The following PTPRT variants were observed in gnomAD, a reference collection of about 807,000 sequenced individuals.
The protein encoded by PTPRT is protein tyrosine phosphatase receptor type T.
A neutral mutation model predicts 176.8 loss-of-function variants in PTPRT; 56 were observed. The ratio of observed to expected loss-of-function variants is 0.32; its 90% confidence interval spans 0.26 to 0.40. PTPRT has a LOEUF of 0.40. Among genes scored for constraint, PTPRT ranks in the 10% least tolerant of loss-of-function variants. The pLI is 1.00. For synonymous variants in PTPRT, 783 were observed against 739.0 expected (o/e 1.06, Z -0.96); for missense variants, 1,540 against 1,908.2 (o/e 0.81, Z 3.60).
intron 1 of PTPRT, among the ~76,000 whole-genome samples, chr20:43,155,589 A>G (rs750569694): frequency 6.6e-6 from 1 of 152,206 alleles, no homozygotes; most frequent in Non-Finnish European, 1.5e-5. Flanking sequence ...TAGGAGAGAA[A>G]TAACTTCAAG....
At chr20:42,954,275 A>G (rs1037146654) in intron 1 of PTPRT, among the ~76,000 whole-genome samples, 14 of 152,176 alleles carry the variant, frequency 9.2e-5, no homozygotes, top group Admixed American at 6.5e-5. Context: ...CTGTTATCTA[A>G]CCTGTGCCTT....
intron 15 of PTPRT, among the ~76,000 whole-genome samples, chr20:42,211,817 A>G (rs2055637808): frequency 1.3e-5 from 2 of 151,320 alleles, no homozygotes; most frequent in African/African-American, 4.9e-5. Flanking sequence ...AAAGGACTAT[A>G]AATCATGCTG....
intron 7 of PTPRT, among the ~76,000 whole-genome samples, chr20:42,489,027 TG>T (rs1286428316): frequency 3.2e-5 from 4 of 124,772 alleles, no homozygotes; most frequent in African/African-American, 1.1e-4. Context: ...TGTGTGTGTG[TG>T]TGTGTGTGTG....
chr20:42,123,177 AAG>A (rs1267316669), intron 19 of PTPRT, among the ~76,000 whole-genome samples: 1 of 152,190 alleles, frequency 6.6e-6, no homozygotes, highest in African/African-American at 2.4e-5. Context: ...CTGGAAGAAA[AAG>A]AGACCCTGGA....
chr20:42,342,619 T>G (rs2058128892), intron 11 of PTPRT, among the ~76,000 whole-genome samples: 1 of 152,210 alleles, frequency 6.6e-6, no homozygotes, highest in African/African-American at 2.4e-5. Context: ...CCTGTGTCAA[T>G]AAATCCTCTA....
chr20:42,250,571 T>C (rs1162635821), intron 13 of PTPRT, among the ~76,000 whole-genome samples: 1 of 152,312 alleles, frequency 6.6e-6, no homozygotes, highest in Non-Finnish European at 1.5e-5. Flanking sequence ...CTTAGACATG[T>C]TGGGTTTACT....
At chr20:42,894,466 G>A (rs544008846) in intron 1 of PTPRT, among the ~76,000 whole-genome samples, 19 of 151,972 alleles carry the variant, frequency 1.3e-4, no homozygotes, top group Non-Finnish European at 1.5e-4. Flanking sequence ...ATCACCCCAC[G>A]AGATGGATAT....
chr20:42,057,283 T>C, the PTPRT span, among the ~76,000 whole-genome samples: 15 of 152,038 alleles, frequency 9.9e-5, no homozygotes, highest in Middle Eastern at 3.4e-3. Flanking sequence ...AGTATTCTGG[T>C]AGAGGAGCCT....
At position 43,161,506 on chromosome 20, in the gene PTPRT, T is replaced by C. The variant is rs997259949; in HGVS notation, c.88+28140A>G. ...AGAAAGACAGGTATAACAGAAATCA[T>C]CTTACTTAAAATTACTAAGATTTGG... On this transcript the variant is annotated intron_variant, in intron 1 of 30. Transcript: ENST00000373187. Among the ~76,000 whole-genome samples the C allele has an allele frequency of 3.9e-5, 6 of 152,260 alleles. No individual in the cohort carries two copies. In the East Asian group the frequency reaches 9.6e-4, roughly 24 times the overall value.
chr20:42,854,840 A>G (rs1346891592), intron 2 of PTPRT, among the ~76,000 whole-genome samples: 1 of 152,250 alleles, frequency 6.6e-6, no homozygotes, highest in Admixed American at 6.5e-5. Context: ...AAATTAGATC[A>G]GTTATACCAG....
At position 42,423,431 on chromosome 20, in the gene PTPRT, C is replaced by T. The variant is rs538156473; in HGVS notation, c.1560+24789G>A. On this transcript the variant is annotated intron_variant, in intron 9 of 30. Transcript: ENST00000373187. ...TTCTTTGCCCACAACCCTTCTAATA[C>T]ACCCTCAGTCTGGCCCCAACTCTCT... is the stretch of plus-strand genomic sequence containing the variant. 8.5e-5 allele frequency among the ~76,000 whole-genome samples: 13 copies of T among 152,240 alleles called. No homozygotes were observed. The East Asian group carries it at 2.5e-3, about 29-fold the overall frequency.
At chr20:42,654,630 CT>C (rs2075091808) in intron 7 of PTPRT, among the ~76,000 whole-genome samples, 1 of 152,218 alleles carries the variant, frequency 6.6e-6, no homozygotes, top group South Asian at 2.1e-4. Flanking sequence ...ACTATTTTTC[CT>C]GTGTACCTAT....
intron 7 of PTPRT, among the ~76,000 whole-genome samples, chr20:42,576,894 G>A (rs1356584708): frequency 6.6e-6 from 1 of 152,162 alleles, no homozygotes; most frequent in Non-Finnish European, 1.5e-5. Context: ...CATCCACAGA[G>A]ATGGCTGGTA....
chr20:43,062,423 C>A (rs1207575609), intron 1 of PTPRT, among the ~76,000 whole-genome samples: 1 of 152,102 alleles, frequency 6.6e-6, no homozygotes, highest in Non-Finnish European at 1.5e-5. Flanking sequence ...GGGGGAAAAC[C>A]AGGCTTTCAA....
At chr20:42,188,454 C>T (rs1348902444) in intron 16 of PTPRT, among the ~76,000 whole-genome samples, 3 of 152,100 alleles carry the variant, frequency 2.0e-5, no homozygotes, top group Non-Finnish European at 4.4e-5. Flanking sequence ...GAGCAAGTTA[C>T]TTAAGTTCTC....
intron 2 of PTPRT, among the ~76,000 whole-genome samples, chr20:42,871,888 T>G (rs1379045440): frequency 6.6e-6 from 1 of 152,228 alleles, no homozygotes; most frequent in African/African-American, 2.4e-5. Flanking sequence ...TCCAAACTGA[T>G]GGACACATCA....
At chr20:43,004,870 C>T (rs1192010846) in intron 1 of PTPRT, among the ~76,000 whole-genome samples, 1 of 152,088 alleles carries the variant, frequency 6.6e-6, no homozygotes, top group Non-Finnish European at 1.5e-5. Flanking sequence ...ATGTTAGAGG[C>T]AATAGAAACC....
At chr20:42,888,984 G>A (rs74660723) in intron 1 of PTPRT, among the ~76,000 whole-genome samples, 3,579 of 152,248 alleles carry the variant, frequency 0.024, 77 homozygotes, top group Middle Eastern at 0.088. Context: ...TAAGATTTAA[G>A]AAGGCTCACA....
chr20:42,152,835 T>G (rs539552483), intron 17 of PTPRT, among the ~76,000 whole-genome samples: 1 of 152,340 alleles, frequency 6.6e-6, no homozygotes, highest in Admixed American at 6.5e-5. Context: ...CCTTGGTAAC[T>G]GTTTTCAAGA....
Sources: allele counts gnomAD v4.1 joint callset (sites outside exome capture counted in the v4.1 genomes callset), GRCh38; gene constraint gnomAD v4.1.1; transcripts MANE v1.5; gene names NCBI Gene and HGNC (gene_info 2026-07-23, HGNC 2026-07-21).